ZFP64: variants seen among roughly 807,000 people sequenced by gnomAD.
ZFP64 encodes the protein zinc finger protein 64.
ZFP64 carries 14 observed loss-of-function variants against 51.6 expected under a neutral mutation model. The ratio of observed to expected loss-of-function variants is 0.27; its 90% CI spans 0.18 to 0.42. ZFP64 has a LOEUF of 0.42. Among genes scored for constraint, ZFP64 ranks in the 10% least tolerant of loss-of-function variants. The pLI is 1.00. For synonymous variants in ZFP64, 375 were observed against 361.4 expected, an observed-to-expected ratio of 1.04 and a Z score of -0.43; for missense variants, 754 against 906.8, an observed-to-expected ratio of 0.83 and a Z score of 2.16.
rs542488413 is a variant in ZFP64 at position 52,126,162 on chromosome 20, T to C, written c.764-27575A>G. Among the ~76,000 whole-genome samples the C allele has an allele frequency of 1.8e-4, 28 of 152,340 alleles. No homozygotes were observed. In the East Asian group the frequency reaches 4.8e-3, roughly 26 times the overall value. ...ATGCGCCTGCCTCGGCCTCCCAAAG[T>C]GCTGGGATTTCAGGCATGAACCAGC... On this transcript the variant is annotated intron_variant, in intron 5 of 8. Coordinates refer to the ZFP64 transcript ENST00000361387.
chr20:52,181,638 G>T (rs936977763), intron 2 of ZFP64, among the ~76,000 whole-genome samples: 4 of 152,174 alleles, frequency 2.6e-5, no homozygotes, highest in Non-Finnish European at 5.9e-5. Flanking sequence ...TCCACCATTT[G>T]GGGGGTTGGA....
intron 5 of ZFP64, chr20:52,104,856 C>A: frequency 1.5e-6 from 1 of 659,718 alleles, no homozygotes. Context: ...GTCCTCTGAG[C>A]ATCCTTCCAG....
At chr20:52,175,932 T>C in intron 2 of ZFP64, 5 of 984,922 alleles carry the variant, frequency 5.1e-6, no homozygotes, top group Non-Finnish European at 4.8e-6. Context: ...CTTACGCTGT[T>C]CCCAAACGGC....
intron 5 of ZFP64, among the ~76,000 whole-genome samples, chr20:52,138,163 C>G (rs947663573): frequency 5.3e-5 from 8 of 151,940 alleles, no homozygotes; most frequent in Non-Finnish European, 1.2e-4. Flanking sequence ...GCCAAGATCA[C>G]TCCACTGCAC....
At chr20:52,130,661 T>C (rs1979680852) in intron 5 of ZFP64, among the ~76,000 whole-genome samples, 1 of 152,082 alleles carries the variant, frequency 6.6e-6, no homozygotes, top group Non-Finnish European at 1.5e-5. Flanking sequence ...TTATCAAACT[T>C]CTTAGGGCTG....
intron 2 of ZFP64, among the ~76,000 whole-genome samples, chr20:52,170,332 G>A (rs900271559): frequency 2.0e-5 from 3 of 150,858 alleles, no homozygotes; most frequent in Non-Finnish European, 3.0e-5. Context: ...CGCACCTGTA[G>A]TCCCAGCTAC....
In ZFP64 at chr20:52,160,483, T is replaced by G. The variant is rs1018434021; in HGVS notation, c.512-109A>C. 2.1e-6 allele frequency: 3 copies of G among 1,442,972 alleles called. No individual in the cohort carries two copies. The highest frequency in any genetic ancestry group is 1.4e-5 in the African/African-American group (1 of 70,448). The allele number at this position is 1,442,972 out of a possible 1,614,324, so 89.4% of individuals were successfully genotyped here. On this transcript the variant is annotated intron_variant, in intron 4 of 5. Coordinates refer to ENST00000216923, the MANE Select transcript of ZFP64 (RefSeq NM_018197.3). The surrounding 1 kb of genome is among the most constrained non-coding windows in gnomAD (Gnocchi z 4.2). ...AGTCATATACAACCACCGAAGAATA[T>G]TCCAAAAACCCTAAAACACTGGGTG...
In ZFP64 at chr20:52,161,951, G is replaced by C. The variant is rs78990598; in HGVS notation, c.512-1577C>G. On this transcript the variant is annotated intron_variant, in intron 4 of 5. Coordinates refer to ENST00000216923, the MANE Select transcript of ZFP64 (RefSeq NM_018197.3). ...GCTAAAATAGCCAAAGCTGATCACT[G>C]TCGTCATAAATAAATATTTGGGATT... Among the ~76,000 whole-genome samples, 844 of 152,256 alleles carry C rather than the reference G, an allele frequency of 5.5e-3. 10 individuals carry two copies. The highest frequency in any genetic ancestry group is 0.019 in the African/African-American group (808 of 41,540).
rs868381835 is a variant in ZFP64 at position 52,111,051 on chromosome 20, C to T, written c.764-12464G>A. The T allele has an allele frequency of 7.4e-6, 10 of 1,353,370 alleles. 1 individual carries two copies. In the Middle Eastern group the frequency reaches 1.2e-3, roughly 169 times the overall value. The allele number at this position is 1,353,370 out of a possible 1,614,324, so 83.8% of individuals were successfully genotyped here. A position where few individuals can be genotyped will look rare whatever the true frequency, so the allele number is the denominator to read the frequency against. ...TGGTGTGCAGGCCGCTGCTGCCATG[C>T]GGAGCGGAGAGGAGCAGGAAGCCCA... On this transcript the variant is annotated intron_variant, in intron 5 of 8. Transcript: ENST00000361387.
chr20:52,098,227 A>G (rs529466683), intron 6 of ZFP64, among the ~76,000 whole-genome samples: 64 of 151,176 alleles, frequency 4.2e-4, no homozygotes, highest in African/African-American at 1.5e-3. Flanking sequence ...GGAAGCTACT[A>G]TGAATCCAAT....
chr20:52,152,609 G>T lies in ZFP64; in HGVS notation c.1583C>A (p.Ala528Asp). The change falls in exon 6 of 6, where the codon GCC (alanine) becomes GAC (aspartate). Residue 528 changes from alanine (A) to aspartate (D), a missense_variant. This residue lies in a region of ZFP64 where 428 missense variants were observed against 472.4 expected (regional missense o/e 0.91). Coordinates refer to ENST00000216923, the MANE Select transcript of ZFP64 (RefSeq NM_018197.3). ...CCCTGGGAGTTCCTCTGGGTTCTGG[G>T]CCACCAAGGCAGGCGGGACGATGTT... ...AVNIVPPALVAQNPEELPGNS... is the reference protein window; with the variant it reads ...AVNIVPPALVDQNPEELPGNS... 6.5e-7 allele frequency: 1 copy of T among 1,539,512 alleles called. No individual in the cohort carries two copies.
At chr20:52,154,723 AAGAG>A (rs1208920389) in intron 5 of ZFP64, among the ~76,000 whole-genome samples, 1 of 152,136 alleles carries the variant, frequency 6.6e-6, no homozygotes, top group Non-Finnish European at 1.5e-5. Context: ...TAGAACAAGG[AAGAG>A]TAAGCTACAG....
At chr20:52,178,245 G>C (rs951625180) in intron 2 of ZFP64, among the ~76,000 whole-genome samples, 1 of 151,968 alleles carries the variant, frequency 6.6e-6, no homozygotes, top group African/African-American at 2.4e-5. Context: ...ATCGCAATGA[G>C]GAATTTACTA....
intron 5 of ZFP64, chr20:52,110,488 G>A (rs919609800): frequency 8.3e-5 from 58 of 695,392 alleles, no homozygotes; most frequent in Non-Finnish European, 7.8e-6. Context: ...GAAGTCCTCT[G>A]CCTAGTCTAA....
chr20:52,118,009 G>T (rs1423460582), intron 5 of ZFP64, among the ~76,000 whole-genome samples: 1 of 151,968 alleles, frequency 6.6e-6, no homozygotes, highest in East Asian at 1.9e-4. Flanking sequence ...CATTGCCCAG[G>T]CTGGTCTTGA....
At chr20:52,171,696 G>T (rs540406877) in intron 2 of ZFP64, among the ~76,000 whole-genome samples, 1 of 149,956 alleles carries the variant, frequency 6.7e-6, no homozygotes, top group East Asian at 2.0e-4. Context: ...CACCATGTTG[G>T]CCAGGCTGTT....
At chr20:52,149,842 TA>T (rs1980701444), downstream of ZFP64, among the ~76,000 whole-genome samples, 1 of 151,996 alleles carries the variant, frequency 6.6e-6, no homozygotes, top group South Asian at 2.1e-4. Context: ...ATATAGAATA[TA>T]AAAAATATTA....
chr20:52,105,248 C>T, intron 5 of ZFP64: 1 of 1,333,324 alleles, frequency 7.5e-7, no homozygotes, highest in Non-Finnish European at 9.5e-7. Context: ...GGCGCGAGGA[C>T]CGGGCTCCCC....
At chr20:52,088,710 G>C (rs1465317240) in intron 7 of ZFP64, 45 of 1,605,706 alleles carry the variant, frequency 2.8e-5, no homozygotes, top group Non-Finnish European at 3.7e-5. Context: ...ATTTGACCAA[G>C]ATGATAGCCT....
Sources: gnomAD v4.1 joint callset for allele counts (sites outside exome capture counted in the v4.1 genomes callset) on GRCh38, gnomAD v4.1.1 for gene constraint, gnomAD v4.1.1 regional missense constraint, Gnocchi (gnomAD v3.1) non-coding constraint, MANE v1.5 for transcripts, NCBI Gene and HGNC (gene_info 2026-07-23, HGNC 2026-07-21) for gene names.